Variants in GRM1 observed in about 807,000 individuals in gnomAD.
The protein encoded by GRM1 is glutamate metabotropic receptor 1, also known as metabotropic glutamate receptor 1.
In GRM1, 33 loss-of-function variants were observed where a neutral mutation model predicts 90.9. The observed-to-expected ratio is 0.36, with a 90% confidence interval of 0.28 to 0.49. The LOEUF is 0.49. Ranked by LOEUF, GRM1 falls within the 20% of genes least tolerant of loss-of-function variation. GRM1 has a pLI of 0.99. For synonymous variants in GRM1, 700 were observed against 613.2 expected (o/e 1.14, Z -2.09); for missense variants, 1,190 against 1,534.3 (o/e 0.78, Z 3.75).
intron 2 of GRM1, among the ~76,000 whole-genome samples, chr6:146,222,220 T>C (rs1056646470): frequency 6.6e-6 from 1 of 152,156 alleles, no homozygotes; most frequent in Non-Finnish European, 1.5e-5. Flanking sequence ...ACAATACATA[T>C]TTTTTATCTG....
At chr6:146,326,559 A>G (rs1335322499) in intron 3 of GRM1, among the ~76,000 whole-genome samples, 2 of 152,218 alleles carry the variant, frequency 1.3e-5, no homozygotes, top group Admixed American at 1.3e-4. Context: ...TTACTTATGT[A>G]AGAAACCTGC....
intron 2 of GRM1, among the ~76,000 whole-genome samples, chr6:146,289,255 G>A (rs966993929): frequency 6.6e-6 from 1 of 152,186 alleles, no homozygotes; most frequent in Non-Finnish European, 1.5e-5. Context: ...AATTGGAGGT[G>A]TAAGATGGTG....
chr6:146,189,610 C>T (rs934562340), intron 2 of GRM1, among the ~76,000 whole-genome samples: 2 of 152,156 alleles, frequency 1.3e-5, no homozygotes, highest in African/African-American at 4.8e-5. Context: ...ACATTCTCCT[C>T]ATTAATAAAA....
chr6:146,051,181 A>G (rs912756518), intron 1 of GRM1, among the ~76,000 whole-genome samples: 3 of 151,964 alleles, frequency 2.0e-5, no homozygotes, highest in Non-Finnish European at 4.4e-5. Flanking sequence ...CTCTAAACCT[A>G]CTCCTCAAAT....
At chr6:146,200,971 G>T (rs556678686) in intron 2 of GRM1, among the ~76,000 whole-genome samples, 1 of 152,028 alleles carries the variant, frequency 6.6e-6, no homozygotes, top group Non-Finnish European at 1.5e-5. Flanking sequence ...AAACTCATAG[G>T]GAAACATGAG....
chr6:146,230,805 C>T (rs188665747), intron 2 of GRM1, among the ~76,000 whole-genome samples: 1 of 151,872 alleles, frequency 6.6e-6, no homozygotes, highest in Non-Finnish European at 1.5e-5. Flanking sequence ...CACATCCAGA[C>T]AATGAAATAT....
intron 2 of GRM1, among the ~76,000 whole-genome samples, chr6:146,271,015 T>C (rs2114824614): frequency 6.7e-6 from 1 of 150,216 alleles, no homozygotes; most frequent in Admixed American, 6.7e-5. Context: ...TCTTTCTTTC[T>C]TTCTTTCAAG....
chr6:146,165,697 A>C (rs1255204558), intron 2 of GRM1, among the ~76,000 whole-genome samples: 1 of 152,142 alleles, frequency 6.6e-6, no homozygotes, highest in Non-Finnish European at 1.5e-5. Flanking sequence ...CTTTGTGGAA[A>C]ATTACACTGC....
At chr6:146,235,779 C>A (rs1021090859) in intron 2 of GRM1, among the ~76,000 whole-genome samples, 2 of 145,894 alleles carry the variant, frequency 1.4e-5, no homozygotes, top group Non-Finnish European at 3.0e-5. Flanking sequence ...CACTTGATTT[C>A]TTCCTTATAG....
intron 2 of GRM1, among the ~76,000 whole-genome samples, chr6:146,261,772 A>G (rs1237275428): frequency 6.6e-6 from 1 of 152,140 alleles, no homozygotes; most frequent in African/African-American, 2.4e-5. Flanking sequence ...ATTTTAGCAT[A>G]TGGGCTTGAG....
chr6:146,321,268 G>A (rs1274420652), intron 3 of GRM1, among the ~76,000 whole-genome samples: 2 of 152,290 alleles, frequency 1.3e-5, no homozygotes, highest in African/African-American at 4.8e-5. Context: ...CAGTTTCCAT[G>A]TAGTTGTGCG....
In GRM1 at chr6:146,352,446, A is replaced by G. The variant is rs771690784; in HGVS notation, c.1383A>G (p.Gly461=). The change falls in exon 4 of 8, where the codon GGA becomes GGG. Residue 461 remains glycine (G), a synonymous_variant. Coordinates refer to ENST00000282753, the MANE Select transcript of GRM1 (RefSeq NM_001278064.2). ...TCCTCATCAAGTCCTCATTCATTGGAGTATCTGGAGAGGAGGTGTGGTTTG... is the reference window on the plus strand; with the variant it reads ...TCCTCATCAAGTCCTCATTCATTGGGGTATCTGGAGAGGAGGTGTGGTTTG... The part of the protein sequence containing the change: ...LDFLIKSSFI[G]VSGEEVWFDE... 6.2e-7 allele frequency: 1 copy of G among 1,613,520 alleles called. No homozygotes were observed. Among genetic ancestry groups the G allele is most frequent in the Non-Finnish European group, 8.5e-7 (1 of 1,179,490 alleles).
chr6:146,284,412 T>C (rs1054401429), intron 2 of GRM1, among the ~76,000 whole-genome samples: 4 of 152,252 alleles, frequency 2.6e-5, no homozygotes, highest in Non-Finnish European at 5.9e-5. Flanking sequence ...TTCTTTGTGC[T>C]GGATTCTAAA....
chr6:146,364,805 G>C (rs1169842225), intron 5 of GRM1: 1 of 149,292 alleles, frequency 6.7e-6, no homozygotes, highest in Admixed American at 6.7e-5. Flanking sequence ...CAATTTAAAG[G>C]GTAGAAATAT....
At chr6:146,111,394 C>A (rs1455208986) in intron 1 of GRM1, among the ~76,000 whole-genome samples, 1 of 151,912 alleles carries the variant, frequency 6.6e-6, no homozygotes, top group Non-Finnish European at 1.5e-5. Flanking sequence ...GTGTGCACAC[C>A]AATGAACAAG....
intron 5 of GRM1, among the ~76,000 whole-genome samples, chr6:146,361,402 T>C (rs1775464674): frequency 6.6e-6 from 1 of 152,174 alleles, no homozygotes; most frequent in African/African-American, 2.4e-5. Context: ...AACAGTGTTA[T>C]GCAAGCAAAC....
chr6:146,188,447 C>T (rs377209305), intron 2 of GRM1, among the ~76,000 whole-genome samples: 54 of 152,218 alleles, frequency 3.5e-4, no homozygotes, highest in African/African-American at 1.2e-3. Flanking sequence ...CCTCAGTTGC[C>T]ACAGGCATCC....
intron 3 of GRM1, among the ~76,000 whole-genome samples, chr6:146,309,717 G>A (rs362961): frequency 0.24 from 35,807 of 151,528 alleles, 9,034 homozygotes; most frequent in African/African-American, 0.64. Flanking sequence ...AAAAAAAAAA[G>A]CACTGAATAT....
intron 1 of GRM1, among the ~76,000 whole-genome samples, chr6:146,138,832 G>A (rs971390836): frequency 1.3e-5 from 2 of 150,944 alleles, no homozygotes; most frequent in East Asian, 3.9e-4. Flanking sequence ...ATTTATTTCT[G>A]CTCTGATCTT....
Sources: gnomAD v4.1 joint callset for allele counts (sites outside exome capture counted in the v4.1 genomes callset) on GRCh38, gnomAD v4.1.1 for gene constraint, MANE v1.5 for transcripts, NCBI Gene and HGNC (gene_info 2026-07-23, HGNC 2026-07-21) for gene names.